POTEE: variants seen among roughly 807,000 people sequenced by gnomAD.
POTEE encodes the protein ANKRD26-like family C member 1A.
In POTEE, 21 loss-of-function variants were observed where a neutral mutation model predicts 74.2. The ratio of observed to expected loss-of-function variants is 0.28; its 90% CI spans 0.20 to 0.41. The LOEUF (loss-of-function observed/expected upper bound fraction) is 0.41, where lower values mean the gene tolerates loss of function less well. POTEE is among the 10% of genes least tolerant of loss of function. POTEE has a pLI of 1.00. For missense variants in POTEE, 525 were observed against 1,158.6 expected (o/e 0.45, Z 7.94); for synonymous variants, 211 against 432.8 (o/e 0.49, Z 6.36).
intron 1 of POTEE, among the ~76,000 whole-genome samples, chr2:131,210,460 G>A (rs1417976111): frequency 2.0e-5 from 3 of 151,536 alleles, no homozygotes; most frequent in Admixed American, 2.0e-4. Flanking sequence ...ACTGCCAGTG[G>A]TGTTGGTCGG....
intron 4 of POTEE, among the ~76,000 whole-genome samples, chr2:131,219,741 A>G (rs77200999): frequency 5.4e-4 from 82 of 150,544 alleles, no homozygotes; most frequent in East Asian, 7.8e-4. Flanking sequence ...CCTTTCAAAA[A>G]AAAAAAAAAA....
chr2:131,219,241 A>G (rs1164450031), intron 4 of POTEE, among the ~76,000 whole-genome samples: 3 of 151,006 alleles, frequency 2.0e-5, no homozygotes, highest in Admixed American at 6.6e-5. Flanking sequence ...TGTTCTATAC[A>G]TTATAGAAAA....
At chr2:131,211,542 C>CTTTTTTT (rs1163533169) in intron 2 of POTEE, among the ~76,000 whole-genome samples, 1 of 11,378 alleles carries the variant, frequency 8.8e-5, no homozygotes, top group Non-Finnish European at 1.7e-4. Flanking sequence ...GTGTGTGTGG[C>CTTTTTTT]TTTTTTTTTT....
chr2:131,210,207 C>T (rs1188422843), intron 1 of POTEE, among the ~76,000 whole-genome samples: 3 of 120,872 alleles, frequency 2.5e-5, no homozygotes, highest in Admixed American at 8.7e-5. Flanking sequence ...GGTGCGCTAT[C>T]AGGAGCTGCG....
At chr2:131,216,332 T>C (rs1179018137) in intron 2 of POTEE, among the ~76,000 whole-genome samples, 1 of 152,154 alleles carries the variant, frequency 6.6e-6, no homozygotes, top group Non-Finnish European at 1.5e-5. Flanking sequence ...AATAGAAAAA[T>C]TAGTCCTAAA....
At chr2:131,210,290 T>G (rs1375188063) in intron 1 of POTEE, among the ~76,000 whole-genome samples, 1 of 96,474 alleles carries the variant, frequency 1.0e-5, no homozygotes, top group Non-Finnish European at 2.0e-5. Context: ...CTGGGTCAGG[T>G]TGTGGGCACT....
intron 17 of POTEE, among the ~76,000 whole-genome samples, chr2:131,262,725 A>C (rs1701747961): frequency 1.3e-5 from 2 of 152,254 alleles, no homozygotes; most frequent in Admixed American, 1.3e-4. Flanking sequence ...TATATGTAGA[A>C]GAGCAATGCC....
chr2:131,216,239 TA>T (rs1700438868), intron 2 of POTEE, among the ~76,000 whole-genome samples: 2 of 151,730 alleles, frequency 1.3e-5, no homozygotes, highest in Non-Finnish European at 2.9e-5. Context: ...AAAAAATTAA[TA>T]TTGTCAAAAT....
intron 1 of POTEE, among the ~76,000 whole-genome samples, chr2:131,210,387 T>C (rs2105054748): frequency 7.0e-6 from 1 of 143,274 alleles, no homozygotes; most frequent in East Asian, 2.1e-4. Context: ...GTGTGTTGGG[T>C]GTGCTGTCCG....
chr2:131,230,189 A>G (rs1383422581), intron 8 of POTEE, among the ~76,000 whole-genome samples: 1 of 152,188 alleles, frequency 6.6e-6, no homozygotes, highest in East Asian at 1.9e-4. Context: ...AAATTTAGTT[A>G]CAAACTATGA....
chr2:131,227,176 T>TGTTA (rs1700809806), intron 7 of POTEE, among the ~76,000 whole-genome samples: 1 of 148,612 alleles, frequency 6.7e-6, no homozygotes, highest in African/African-American at 2.6e-5. Flanking sequence ...CATGATCTTA[T>TGTTA]GTTAGCTTAA....
At chr2:131,214,483 G>A (rs1466872653) in intron 2 of POTEE, among the ~76,000 whole-genome samples, 1 of 152,260 alleles carries the variant, frequency 6.6e-6, no homozygotes, top group African/African-American at 2.4e-5. Flanking sequence ...TGGAAGTTGT[G>A]TTATGGTTCA....
chr2:131,231,428 GGT>G (rs1239146640), intron 9 of POTEE, among the ~76,000 whole-genome samples: 1 of 152,042 alleles, frequency 6.6e-6, no homozygotes, highest in African/African-American at 2.4e-5. Flanking sequence ...TCCATGGACT[GGT>G]ATGAGTCTGT....
Position 131,233,382 on chromosome 2 carries a change from T to G in POTEE, c.1126+2476T>G, listed in dbSNP as rs1250395832. ...TAAAACTTTATTTACAAAACCATAA[T>G]GCAGATTGGATTTGGCCTGTGGCCT... On this transcript the variant is annotated intron_variant, in intron 9 of 17. Coordinates refer to ENST00000683005, the MANE Select transcript of POTEE (RefSeq NM_001083538.3). 5.3e-5 allele frequency among the ~76,000 whole-genome samples: 8 copies of G among 152,170 alleles called. No homozygotes were observed. In the East Asian group the frequency reaches 7.7e-4, roughly 15 times the overall value.
chr2:131,235,679 C>T (rs2105100361), intron 9 of POTEE, among the ~76,000 whole-genome samples: 1 of 149,432 alleles, frequency 6.7e-6, no homozygotes, highest in African/African-American at 2.5e-5. Context: ...GTAATCCCAG[C>T]TTCTCCGGAG....
chr2:131,230,768 A>G (rs1700928208), intron 8 of POTEE, 68 bp from the exon 9 acceptor site: 2 of 1,556,124 alleles, frequency 1.3e-6, no homozygotes, highest in Admixed American at 1.8e-5. Flanking sequence ...TAATAATTCT[A>G]CATTTGGTAA....
chr2:131,256,896 C>G (rs1300335449), intron 16 of POTEE, among the ~76,000 whole-genome samples: 2 of 152,312 alleles, frequency 1.3e-5, no homozygotes, highest in Non-Finnish European at 2.9e-5. Context: ...TGGGAACATA[C>G]CAGGGATGCT....
chr2:131,218,958 G>T lies in POTEE; in HGVS notation c.521+35G>T, dbSNP rs765776764. 3.1e-6 allele frequency: 5 copies of T among 1,611,898 alleles called. No individual in the cohort carries two copies. The South Asian group carries it at 3.3e-5, about 11-fold the overall frequency. On this transcript the variant is annotated intron_variant, in intron 4 of 17. Coordinates refer to ENST00000683005, the MANE Select transcript of POTEE (RefSeq NM_001083538.3). ...CCTGGGCTGGGAGGAGGTGGGACGTGGGGGGATGATGGGGACATACCCTCC... is the reference window on the plus strand; with the variant it reads ...CCTGGGCTGGGAGGAGGTGGGACGTTGGGGGATGATGGGGACATACCCTCC...
At chr2:131,211,902 T>G (rs971063827) in intron 2 of POTEE, among the ~76,000 whole-genome samples, 9 of 150,642 alleles carry the variant, frequency 6.0e-5, no homozygotes, top group Non-Finnish European at 1.2e-4. Flanking sequence ...TTTTTCAAAT[T>G]TTGTGAATTG....
Sources: allele counts gnomAD v4.1 joint callset (sites outside exome capture counted in the v4.1 genomes callset), GRCh38; gene constraint gnomAD v4.1.1; transcripts MANE v1.5; gene names NCBI Gene and HGNC (gene_info 2026-07-23, HGNC 2026-07-21).